KCNN2: variants seen among roughly 807,000 people sequenced by gnomAD.
KCNN2 encodes the protein potassium calcium-activated channel subfamily N member 2, also known as small conductance calcium-activated potassium channel protein 2.
KCNN2 carries 24 observed loss-of-function variants against 55.5 expected under a neutral mutation model. The observed-to-expected ratio is 0.43, with a 90% CI of 0.31 to 0.61. The LOEUF (loss-of-function observed/expected upper bound fraction) is 0.61. Ranked by LOEUF, KCNN2 falls within the 20% of genes least tolerant of loss-of-function variation. The probability of loss-of-function intolerance (pLI) is 0.08; values close to 1 mark genes in which losing one functional copy is unlikely to be tolerated. For missense variants in KCNN2, 754 were observed against 853.6 expected (o/e 0.88, Z 1.45); for synonymous variants, 431 against 336.1 (o/e 1.28, Z -3.09).
chr5:114,404,203 C>G (rs1758869303), intron 2 of KCNN2, among the ~76,000 whole-genome samples: 1 of 152,192 alleles, frequency 6.6e-6, no homozygotes, highest in Admixed American at 6.5e-5. Context: ...TGTCCAGGAA[C>G]TTTGAACTTC....
intron 3 of KCNN2, among the ~76,000 whole-genome samples, chr5:114,410,957 G>T (rs1011256678): frequency 6.6e-6 from 1 of 152,154 alleles, no homozygotes; most frequent in Non-Finnish European, 1.5e-5. Context: ...ACAAACTGGA[G>T]AAGCATAATG....
At chr5:114,394,566 C>T (rs1034392416) in intron 2 of KCNN2, among the ~76,000 whole-genome samples, 2 of 152,164 alleles carry the variant, frequency 1.3e-5, no homozygotes, top group Admixed American at 6.5e-5. Context: ...TCAAAAAGGC[C>T]TTCCTTTCTC....
At chr5:114,403,769 G>C (rs1030094470) in intron 2 of KCNN2, among the ~76,000 whole-genome samples, 1 of 151,968 alleles carries the variant, frequency 6.6e-6, no homozygotes, top group African/African-American at 2.4e-5. Flanking sequence ...TGTGGTGTAA[G>C]GAATGACAGA....
intron 1 of KCNN2, among the ~76,000 whole-genome samples, chr5:114,093,321 A>G (rs1171396181): frequency 6.6e-6 from 1 of 152,138 alleles, no homozygotes; most frequent in Non-Finnish European, 1.5e-5. Flanking sequence ...CCATCTCACT[A>G]TCAGCATTTT....
At chr5:114,206,752 C>T (rs1436441252) in intron 1 of KCNN2, among the ~76,000 whole-genome samples, 2 of 134,920 alleles carry the variant, frequency 1.5e-5, no homozygotes, top group East Asian at 4.0e-4. Context: ...CTGTGGAATA[C>T]CCTGGTACTT....
At chr5:114,477,531 G>T (rs1169369996) in intron 5 of KCNN2, among the ~76,000 whole-genome samples, 1 of 151,990 alleles carries the variant, frequency 6.6e-6, no homozygotes, top group Non-Finnish European at 1.5e-5. Flanking sequence ...CATGTGTCCA[G>T]AACAAACTAA....
At chr5:114,474,265 G>A (rs115890245) in intron 5 of KCNN2, among the ~76,000 whole-genome samples, 4,827 of 152,188 alleles carry the variant, frequency 0.032, 142 homozygotes, top group African/African-American at 0.072. Flanking sequence ...TTATACTTAG[G>A]AAATGAAAAC....
intron 1 of KCNN2, among the ~76,000 whole-genome samples, chr5:114,215,765 A>T (rs1753988726): frequency 6.6e-6 from 1 of 152,146 alleles, no homozygotes; most frequent in African/African-American, 2.4e-5. Flanking sequence ...CCTCCACATT[A>T]TTTGGAAAAT....
intron 3 of KCNN2, among the ~76,000 whole-genome samples, chr5:114,460,696 A>G (rs2150112861): frequency 6.6e-6 from 1 of 152,348 alleles, no homozygotes; most frequent in East Asian, 1.9e-4. Flanking sequence ...AGTCAAGAAT[A>G]TAACTGTTTC....
At chr5:114,354,645 A>G (rs1757266645) in intron 2 of KCNN2, among the ~76,000 whole-genome samples, 2 of 152,184 alleles carry the variant, frequency 1.3e-5, no homozygotes, top group Admixed American at 1.3e-4. Context: ...CAGTTATATG[A>G]GCTAGGAAGT....
intron 3 of KCNN2, among the ~76,000 whole-genome samples, chr5:114,424,179 C>A (rs185023679): frequency 6.6e-6 from 1 of 152,256 alleles, no homozygotes; most frequent in East Asian, 1.9e-4. Context: ...GGATAATAAT[C>A]CTGTATTACT....
At chr5:114,223,694 A>G (rs1320637583) in intron 2 of KCNN2, among the ~76,000 whole-genome samples, 1 of 152,116 alleles carries the variant, frequency 6.6e-6, no homozygotes. Flanking sequence ...CAGAGCATCT[A>G]TAAGGCTGGG....
chr5:114,207,026 C>G (rs1355718104), intron 1 of KCNN2, among the ~76,000 whole-genome samples: 1 of 152,202 alleles, frequency 6.6e-6, no homozygotes, highest in Non-Finnish European at 1.5e-5. Context: ...ATTTAGAACA[C>G]TCTTTCTTTT....
At chr5:114,183,265 CT>C (rs1443611961) in intron 1 of KCNN2, among the ~76,000 whole-genome samples, 1 of 152,028 alleles carries the variant, frequency 6.6e-6, no homozygotes, top group Non-Finnish European at 1.5e-5. Flanking sequence ...ATGCTAATAT[CT>C]TAAAGACTTT....
At chr5:114,462,357 T>C (rs1561399136) in intron 3 of KCNN2, among the ~76,000 whole-genome samples, 1 of 152,220 alleles carries the variant, frequency 6.6e-6, no homozygotes, top group Non-Finnish European at 1.5e-5. Context: ...GACTGTAAGT[T>C]CTTTGTGTAT....
intron 2 of KCNN2, among the ~76,000 whole-genome samples, chr5:114,273,030 C>T (rs897930049): frequency 1.3e-5 from 2 of 152,068 alleles, no homozygotes; most frequent in African/African-American, 4.8e-5. Flanking sequence ...CTCCCCTAGC[C>T]CAACACCCCC....
At chr5:114,369,383 T>A (rs1453346687) in intron 2 of KCNN2, among the ~76,000 whole-genome samples, 4 of 152,204 alleles carry the variant, frequency 2.6e-5, no homozygotes, top group African/African-American at 9.6e-5. Flanking sequence ...TTCCCAAGTT[T>A]TATTATCTCA....
chr5:114,318,113 A>T (rs903082803), intron 2 of KCNN2, among the ~76,000 whole-genome samples: 2 of 152,162 alleles, frequency 1.3e-5, no homozygotes, highest in Middle Eastern at 3.4e-3. Context: ...ACACTGTCCT[A>T]CTCATCTCCT....
At chr5:114,204,062 A>G (rs980258363) in intron 1 of KCNN2, among the ~76,000 whole-genome samples, 3 of 152,172 alleles carry the variant, frequency 2.0e-5, no homozygotes, top group African/African-American at 7.2e-5. Context: ...TGTGATATGT[A>G]GAAGTACAGA....
Sources: gnomAD v4.1 joint callset for allele counts (sites outside exome capture counted in the v4.1 genomes callset) on GRCh38, gnomAD v4.1.1 for gene constraint, MANE v1.5 for transcripts, NCBI Gene and HGNC (gene_info 2026-07-23, HGNC 2026-07-21) for gene names.